Variants in SNX25 observed in about 807,000 individuals in gnomAD.
The protein encoded by SNX25 is sorting nexin 25, also known as sorting nexin-25.
In SNX25, 62 loss-of-function variants were observed where a neutral mutation model predicts 113.7. The ratio of observed to expected loss-of-function variants is 0.55; its 90% confidence interval spans 0.44 to 0.67. The LOEUF is 0.67. Ranked by LOEUF, SNX25 falls within the 30% of genes least tolerant of loss-of-function variation. The pLI is 0.00. For synonymous variants in SNX25, 421 were observed against 436.2 expected (o/e 0.97, Z 0.43); for missense variants, 1,014 against 1,161.0 (o/e 0.87, Z 1.84).
At chr4:185,352,403 G>A (rs2095320126) in intron 14 of SNX25, among the ~76,000 whole-genome samples, 1 of 152,166 alleles carries the variant, frequency 6.6e-6, no homozygotes, top group Non-Finnish European at 1.5e-5. Flanking sequence ...TGCATTCTCA[G>A]CTGGGGCGGA....
chr4:185,229,614 G>A (rs1161965987), intron 1 of SNX25, among the ~76,000 whole-genome samples: 1 of 152,210 alleles, frequency 6.6e-6, no homozygotes, highest in Non-Finnish European at 1.5e-5. Flanking sequence ...GTCTCTGGGT[G>A]TGCCAGCGTC....
At position 185,320,868 on chromosome 4, in the gene SNX25, G is replaced by A; in HGVS notation, c.1476+4G>A. On this transcript the variant is annotated splice_donor_region_variant and intron_variant, in intron 8 of 18. Coordinates refer to ENST00000652585, the MANE Select transcript of SNX25 (RefSeq NM_001378034.2). ...ACATTTAAAGAATGCTAACAAGGTA[G>A]TATATGTAGGCTGAAAGGAATATTA... The A allele has an allele frequency of 6.3e-7, 1 of 1,585,834 alleles. No homozygotes were observed. The highest frequency in any genetic ancestry group is 8.6e-7 in the Non-Finnish European group (1 of 1,169,278).
chr4:185,286,987 C>T (rs996709634), intron 5 of SNX25, among the ~76,000 whole-genome samples: 7 of 152,256 alleles, frequency 4.6e-5, no homozygotes, highest in South Asian at 2.1e-4. Flanking sequence ...TAGAACACTG[C>T]ACGGTTTTTG....
At chr4:185,325,624 T>C (rs752473517) in intron 9 of SNX25, among the ~76,000 whole-genome samples, 5 of 152,072 alleles carry the variant, frequency 3.3e-5, no homozygotes, top group African/African-American at 4.8e-5. Flanking sequence ...GTAAGAAGAA[T>C]TATTTATTAA....
the SNX25 span, chr4:185,378,428 G>T: frequency 7.5e-7 from 1 of 1,328,398 alleles, no homozygotes; most frequent in Non-Finnish European, 9.6e-7. Flanking sequence ...ATTTTCCACA[G>T]CATCGCATTC....
intron 1 of SNX25, among the ~76,000 whole-genome samples, chr4:185,224,273 C>T (rs113780782): frequency 1.3e-3 from 202 of 151,514 alleles, no homozygotes; most frequent in African/African-American, 4.7e-3. Context: ...ATTGCTTGAA[C>T]CCAGGAAGCA....
rs1579799718 is a variant in SNX25 at position 185,326,110 on chromosome 4, C to T, written c.1749+2310C>T. On this transcript the variant is annotated intron_variant, in intron 9 of 18. Transcript: ENST00000652585. ...CAGGTAGAGAGAAACAAGTATGCTC[C>T]AAATTTTGTTCATGGGAGTATACTA... is the stretch of plus-strand genomic sequence containing the variant. Among the ~76,000 whole-genome samples, 3 of 152,118 alleles carry T rather than the reference C, an allele frequency of 2.0e-5. No individual in the cohort carries two copies. In the East Asian group the frequency reaches 5.8e-4, roughly 29 times the overall value.
At chr4:185,292,458 A>T (rs1306263561) in intron 6 of SNX25, among the ~76,000 whole-genome samples, 1 of 152,080 alleles carries the variant, frequency 6.6e-6, no homozygotes, top group African/African-American at 2.4e-5. Context: ...GAGGGCAATG[A>T]CACAATCTCG....
Position 185,342,042 on chromosome 4 carries a change from G to T in SNX25, c.2113G>T (p.Gly705Ter), listed in dbSNP as rs150017240. Residue 705 changes from glycine to a stop codon, truncating the protein, a stop_gained, in exon 12 of 19, where the codon GGA becomes TGA. Transcript: ENST00000652585. LOFTEE classifies it high-confidence loss of function. Reference sequence around the variant, plus strand: ...CATGGTAAGCCTACAAGAAGTTGGAGGAGTTGAAACTAAGAACTGGACGGT... The same window carrying T: ...CATGGTAAGCCTACAAGAAGTTGGATGAGTTGAAACTAAGAACTGGACGGT... The part of the protein sequence containing the change: ...FVMVSLQEVG[G>*]VETKNWTVPR... 3 of 1,611,536 alleles carry T rather than the reference G, an allele frequency of 1.9e-6. No homozygotes were observed. The highest frequency in any genetic ancestry group is 8.5e-7 in the Non-Finnish European group (1 of 1,178,972).
chr4:185,279,241 G>A (rs936417702), intron 5 of SNX25, among the ~76,000 whole-genome samples: 6 of 152,038 alleles, frequency 3.9e-5, no homozygotes, highest in Admixed American at 2.0e-4. Context: ...GGGCTGCTCC[G>A]GTCCAGAACC....
chr4:185,299,871 A>T (rs920731761), intron 6 of SNX25, among the ~76,000 whole-genome samples: 13 of 152,198 alleles, frequency 8.5e-5, no homozygotes, highest in Non-Finnish European at 1.8e-4. Context: ...TCAGCTTACT[A>T]CAGCAAAGAA....
At chr4:185,354,726 G>A (rs548896327) in intron 15 of SNX25, among the ~76,000 whole-genome samples, 29 of 152,330 alleles carry the variant, frequency 1.9e-4, no homozygotes, top group African/African-American at 4.1e-4. Flanking sequence ...AGTGTTGAGC[G>A]TTGAATAGGA....
intron 1 of SNX25, among the ~76,000 whole-genome samples, chr4:185,241,631 A>C (rs1744069621): frequency 6.6e-6 from 1 of 151,378 alleles, no homozygotes; most frequent in Non-Finnish European, 1.5e-5. Context: ...GGTCTGGTTC[A>C]CCAAGAGCTT....
chr4:185,302,761 G>A (rs530849335), intron 6 of SNX25, among the ~76,000 whole-genome samples: 4 of 152,278 alleles, frequency 2.6e-5, no homozygotes, highest in Non-Finnish European at 4.4e-5. Context: ...TGTTCTGTTA[G>A]AGCCAACCAC....
At chr4:185,254,653 C>T (rs987280653) in intron 2 of SNX25, among the ~76,000 whole-genome samples, 1 of 152,186 alleles carries the variant, frequency 6.6e-6, no homozygotes, top group Non-Finnish European at 1.5e-5. Flanking sequence ...TATAGTTTTT[C>T]TCTACTTTGT....
chr4:185,343,170 T>C (rs2095268977), intron 12 of SNX25, among the ~76,000 whole-genome samples: 1 of 152,224 alleles, frequency 6.6e-6, no homozygotes, highest in Non-Finnish European at 1.5e-5. Context: ...GGATTATAGA[T>C]GTGAGCCACC....
intron 16 of SNX25, 128 bp from the exon 17 acceptor site, chr4:185,361,796 A>G: frequency 1.6e-6 from 1 of 617,686 alleles, no homozygotes; most frequent in Middle Eastern, 3.7e-4. Context: ...TAAAAAATCC[A>G]ATTCCTAGTT....
At chr4:185,317,269 A>G in intron 7 of SNX25, among the ~76,000 whole-genome samples, 1 of 152,242 alleles carries the variant, frequency 6.6e-6, no homozygotes. Flanking sequence ...AACCACAATG[A>G]GCTACCGTCT....
intron 9 of SNX25, among the ~76,000 whole-genome samples, chr4:185,331,417 A>T (rs188450811): frequency 1.3e-5 from 2 of 152,318 alleles, no homozygotes; most frequent in East Asian, 3.9e-4. Context: ...AAGGCAGAAT[A>T]CCCATTCAAA....
Sources: allele counts gnomAD v4.1 joint callset (sites outside exome capture counted in the v4.1 genomes callset), GRCh38; gene constraint gnomAD v4.1.1; transcripts MANE v1.5; gene names NCBI Gene and HGNC (gene_info 2026-07-23, HGNC 2026-07-21).